The following DBNL variants were observed in gnomAD, a reference collection of about 807,000 sequenced individuals.
The protein encoded by DBNL is drebrin like, also known as drebrin-like protein.
A neutral mutation model predicts 62.2 loss-of-function variants in DBNL; 35 were observed. That is an observed-to-expected ratio of 0.56 (90% confidence interval 0.43 to 0.75). The LOEUF is 0.75. Ranked by LOEUF, DBNL falls within the 30% of genes least tolerant of loss-of-function variation. The pLI, the probability that DBNL is intolerant of heterozygous loss-of-function variation, is 0.00. For synonymous variants in DBNL, 197 were observed against 218.0 expected (o/e 0.90, Z 0.85); for missense variants, 495 against 578.4 (o/e 0.86, Z 1.48).
In DBNL at chr7:44,062,711, G is replaced by T; in HGVS notation, c.*1795G>T. 1.3e-6 allele frequency: 2 copies of T among 1,593,044 alleles called. No individual in the cohort carries two copies. The highest frequency in any genetic ancestry group is 2.2e-5 in the South Asian group (2 of 89,928). ...CGGTGTGAGCCTGGCATGCACGGCT[G>T]CGCTGGACTCCAGGCTGTTGGGGGA... On this transcript the variant is annotated 3_prime_UTR_variant, in exon 13 of 13. Coordinates refer to ENST00000448521, the MANE Select transcript of DBNL (RefSeq NM_001014436.3).
Position 44,064,554 on chromosome 7 carries a change from G to C in DBNL, c.*3638G>C, listed in dbSNP as rs576441422. ...GCCCAGCCCTTCCGTTTCCTAGCTGGGTGTCCCTTGGCAGATGCCACCTTT... is the reference window on the plus strand; with the variant it reads ...GCCCAGCCCTTCCGTTTCCTAGCTGCGTGTCCCTTGGCAGATGCCACCTTT... On this transcript the variant is annotated 3_prime_UTR_variant, in exon 13 of 13. Transcript: ENST00000448521. 1 of 503,364 alleles carries C rather than the reference G, an allele frequency of 2.0e-6. No homozygotes were observed. Among genetic ancestry groups the C allele is most frequent in the East Asian group, 3.7e-5 (1 of 26,828 alleles). 31.2% of individuals were successfully genotyped at this position (503,364 alleles called of 1,614,324 possible). A position where few individuals can be genotyped will look rare whatever the true frequency, so the allele number is the denominator to read the frequency against.
chr7:44,052,796 T>C, intron 3 of DBNL, 71 bp from the exon 4 acceptor site: 2 of 1,571,784 alleles, frequency 1.3e-6, no homozygotes, highest in Non-Finnish European at 1.7e-6. Flanking sequence ...ACAGGGTAGA[T>C]GTTGGGTCCC....
chr7:44,056,729 C>T (rs1562654468), intron 4 of DBNL, 28 bp from the exon 5 acceptor site: 6 of 1,613,432 alleles, frequency 3.7e-6, no homozygotes, highest in Non-Finnish European at 4.2e-6. Flanking sequence ...TTGCAAAGCC[C>T]TTCTTTCAAG....
Position 44,059,695 on chromosome 7 carries a change from C to A in DBNL, c.1047+37C>A. On this transcript the variant is annotated intron_variant, in intron 11 of 12. Transcript: ENST00000448521. This position sits in a 1 kb window ranked among gnomAD's most constrained non-coding sequence, Gnocchi z 4.1. ...CACTGGGGCTGGGGCCAGGAAGGGG[C>A]TGCATACTCAGGAACACTTATCACG... 6.5e-7 allele frequency: 1 copy of A among 1,548,018 alleles called. No homozygotes were observed.
In DBNL at chr7:44,064,797, A is replaced by ACCCCGCCCACGCGCCTGAAAGGGGG; in HGVS notation, c.*3884_*3885insCGCCCACGCGCCTGAAAGGGGGCCC. 1 of 633,308 alleles carries ACCCCGCCCACGCGCCTGAAAGGGGG rather than the reference A, an allele frequency of 1.6e-6. No individual in the cohort carries two copies. Among genetic ancestry groups the ACCCCGCCCACGCGCCTGAAAGGGGG allele is most frequent in the Non-Finnish European group, 2.8e-6 (1 of 361,386 alleles). The allele number at this position is 633,308 out of a possible 1,614,324, so 39.2% of individuals were successfully genotyped here. On this transcript the variant is annotated 3_prime_UTR_variant, in exon 13 of 13. Transcript: ENST00000448521. The stretch of plus-strand genomic sequence containing the variant: ...GAGAAGCCAGCTGGGGCTGCTGCCC[A>ACCCCGCCCACGCGCCTGAAAGGGGG]CCCACCCTGCCCAGGCTCCTGAAGG...
In DBNL at chr7:44,061,608, C is replaced by G. The variant is rs2096149352; in HGVS notation, c.*692C>G. On this transcript the variant is annotated 3_prime_UTR_variant, in exon 13 of 13. Transcript: ENST00000448521. The stretch of plus-strand genomic sequence containing the variant: ...GCCCCAGTGTGTGCCTCAACTGATT[C>G]TGACTTCAGGAAAAGTAACACAGAG... 6.5e-6 allele frequency: 1 copy of G among 152,772 alleles called. No individual in the cohort carries two copies. Among genetic ancestry groups the G allele is most frequent in the South Asian group, 2.1e-4 (1 of 4,834 alleles). 9.5% of individuals were successfully genotyped at this position (152,772 alleles called of 1,614,324 possible).
rs1262385877 is a variant in DBNL, at chr7:44,064,696, C to T, written c.*3780C>T. 1 of 797,084 alleles carries T rather than the reference C, an allele frequency of 1.3e-6. No individual in the cohort carries two copies. The highest frequency in any genetic ancestry group is 2.3e-5 in the Admixed American group (1 of 43,624). The allele number at this position is 797,084 out of a possible 1,614,324, so 49.4% of individuals were successfully genotyped here. Reference sequence around the variant, plus strand: ...ACAAAACTAAAAAATGGCTTCTCAGCCCTCCTTTTTCAGTGAATGATGTGG... The same window carrying T: ...ACAAAACTAAAAAATGGCTTCTCAGTCCTCCTTTTTCAGTGAATGATGTGG... On this transcript the variant is annotated 3_prime_UTR_variant, in exon 13 of 13. Transcript: ENST00000448521.
chr7:44,055,987 C>A (rs754185076), intron 4 of DBNL, among the ~76,000 whole-genome samples: 1 of 152,076 alleles, frequency 6.6e-6, no homozygotes, highest in African/African-American at 2.4e-5. Flanking sequence ...AAATCTTTGC[C>A]CAGATCAATG....
Position 44,059,659 on chromosome 7 carries a change from G to A in DBNL, c.1047+1G>A. Reference sequence around the variant, plus strand: ...GACCTTCTACGAGCAGCCCCCACTGGTGGGTTCCTACACTGGGGCTGGGGC... The same window carrying A: ...GACCTTCTACGAGCAGCCCCCACTGATGGGTTCCTACACTGGGGCTGGGGC... On this transcript the variant is annotated splice_donor_variant, in intron 11 of 12. Coordinates refer to ENST00000448521, the MANE Select transcript of DBNL (RefSeq NM_001014436.3). LOFTEE classifies it high-confidence loss of function. The surrounding 1 kb of genome is among the most constrained non-coding windows in gnomAD (Gnocchi z 4.1). 6.3e-7 allele frequency: 1 copy of A among 1,598,828 alleles called. No individual in the cohort carries two copies. The highest frequency in any genetic ancestry group is 2.2e-5 in the East Asian group (1 of 44,730).
At position 44,063,030 on chromosome 7, in the gene DBNL, G is replaced by C; in HGVS notation, c.*2114G>C. 1 of 1,287,542 alleles carries C rather than the reference G, an allele frequency of 7.8e-7. No individual in the cohort carries two copies. The highest frequency in any genetic ancestry group is 1.1e-6 in the Non-Finnish European group (1 of 887,336). The allele number at this position is 1,287,542 out of a possible 1,614,324, so 79.8% of individuals were successfully genotyped here. ...TATGGTCCACAGAGCCAGTTCCCCT[G>C]GCACCAATTCCTTCCCAGCCCTGAG... On this transcript the variant is annotated 3_prime_UTR_variant, in exon 13 of 13. Coordinates refer to ENST00000448521, the MANE Select transcript of DBNL (RefSeq NM_001014436.3).
chr7:44,056,665 A>G, intron 4 of DBNL, 92 bp from the exon 5 acceptor site: 1 of 1,515,940 alleles, frequency 6.6e-7, no homozygotes, highest in Non-Finnish European at 8.9e-7. Context: ...CCTGTGTGGT[A>G]TAGTAGTGGC....
chr7:44,050,452 T>G (rs1052601866), intron 2 of DBNL, 172 bp downstream of exon 2: 3 of 588,464 alleles, frequency 5.1e-6, no homozygotes, highest in African/African-American at 1.9e-5. Flanking sequence ...ACATTCCTCC[T>G]TGGTTCTCCT....
chr7:44,064,400 A>G lies in DBNL; in HGVS notation c.*3484A>G. 1 of 274,670 alleles carries G rather than the reference A, an allele frequency of 3.6e-6. No homozygotes were observed. Among genetic ancestry groups the G allele is most frequent in the Non-Finnish European group, 7.1e-6 (1 of 140,304 alleles). 17.0% of individuals were successfully genotyped at this position (274,670 alleles called of 1,614,324 possible). A position where few individuals can be genotyped will look rare whatever the true frequency, so the allele number is the denominator to read the frequency against. On this transcript the variant is annotated 3_prime_UTR_variant, in exon 13 of 13. Transcript: ENST00000448521. The stretch of plus-strand genomic sequence containing the variant: ...GGGGGAGGGCCCTGCGAGGGGTCCA[A>G]GCCTACATCAAGAGGAATTCAGTAC...
At chr7:44,052,417 C>T (rs1054791565) in intron 3 of DBNL, among the ~76,000 whole-genome samples, 2 of 151,968 alleles carry the variant, frequency 1.3e-5, no homozygotes, top group African/African-American at 4.8e-5. Context: ...TGAGACCAGC[C>T]TGGGCAACAT....
Position 44,064,723 on chromosome 7 carries a change from G to T in DBNL, c.*3807G>T. 1 of 953,506 alleles carries T rather than the reference G, an allele frequency of 1.0e-6. No homozygotes were observed. The highest frequency in any genetic ancestry group is 1.6e-6 in the Non-Finnish European group (1 of 619,824). The allele number at this position is 953,506 out of a possible 1,614,324, so 59.1% of individuals were successfully genotyped here. A position where few individuals can be genotyped will look rare whatever the true frequency, so the allele number is the denominator to read the frequency against. On this transcript the variant is annotated 3_prime_UTR_variant, in exon 13 of 13. Transcript: ENST00000448521. ...CTCCTTTTTCAGTGAATGATGTGGAGCCCCACGCCTAGAAAGCCTGGTCCA... is the reference window on the plus strand; with the variant it reads ...CTCCTTTTTCAGTGAATGATGTGGATCCCCACGCCTAGAAAGCCTGGTCCA...
At position 44,055,186 on chromosome 7, in the gene DBNL, C is replaced by G. The variant is rs528493101; in HGVS notation, c.328-1571C>G. Among the ~76,000 whole-genome samples the G allele has an allele frequency of 1.3e-5, 2 of 152,344 alleles. 1 individual carries two copies. The highest frequency in any genetic ancestry group is 3.9e-4 in the East Asian group (2 of 5,192). ...ACTGTTTTAAAAACCATACTGTTGT[C>G]TAGGCGCGATGGCTCACGCCTGTAA... On this transcript the variant is annotated intron_variant, in intron 4 of 12. Transcript: ENST00000448521.
chr7:44,064,805 T>G lies in DBNL; in HGVS notation c.*3889T>G. The G allele has an allele frequency of 1.5e-5, 10 of 669,818 alleles. No homozygotes were observed. Among genetic ancestry groups the G allele is most frequent in the Non-Finnish European group, 2.3e-5 (9 of 386,222 alleles). The allele number at this position is 669,818 out of a possible 1,614,324, so 41.5% of individuals were successfully genotyped here. ...AGCTGGGGCTGCTGCCCACCCACCC[T>G]GCCCAGGCTCCTGAAGGTGGCCTCA... On this transcript the variant is annotated 3_prime_UTR_variant, in exon 13 of 13. Coordinates refer to ENST00000448521, the MANE Select transcript of DBNL (RefSeq NM_001014436.3).
Position 44,064,274 on chromosome 7 carries a change from T to C in DBNL, c.*3358T>C, listed in dbSNP as rs1277229913. On this transcript the variant is annotated 3_prime_UTR_variant, in exon 13 of 13. Transcript: ENST00000448521. ...GCAAGCCCAGAGTCTGGCCACTCCATAGTCCTGCACCCCTCTTTTGATTGG... is the reference window on the plus strand; with the variant it reads ...GCAAGCCCAGAGTCTGGCCACTCCACAGTCCTGCACCCCTCTTTTGATTGG... 1 of 164,752 alleles carries C rather than the reference T, an allele frequency of 6.1e-6. No homozygotes were observed. The highest frequency in any genetic ancestry group is 2.4e-5 in the African/African-American group (1 of 41,558). The allele number at this position is 164,752 out of a possible 1,614,324, so 10.2% of individuals were successfully genotyped here. A position where few individuals can be genotyped will look rare whatever the true frequency, so the allele number is the denominator to read the frequency against.
chr7:44,063,377 T>G lies in DBNL; in HGVS notation c.*2461T>G, dbSNP rs1363778431. 5 of 230,716 alleles carry G rather than the reference T, an allele frequency of 2.2e-5. No homozygotes were observed. In the East Asian group the frequency reaches 5.4e-4, roughly 25 times the overall value. The allele number at this position is 230,716 out of a possible 1,614,324, so 14.3% of individuals were successfully genotyped here. On this transcript the variant is annotated 3_prime_UTR_variant, in exon 13 of 13. Coordinates refer to ENST00000448521, the MANE Select transcript of DBNL (RefSeq NM_001014436.3). ...TTGGCTCACTGCAACCTCCATCTCCTGGGTTGAAGTGATTCTGCCTCAGCC... is the reference window on the plus strand; with the variant it reads ...TTGGCTCACTGCAACCTCCATCTCCGGGGTTGAAGTGATTCTGCCTCAGCC...
Sources: gnomAD v4.1 joint callset for allele counts (sites outside exome capture counted in the v4.1 genomes callset) on GRCh38, gnomAD v4.1.1 for gene constraint, Gnocchi (gnomAD v3.1) non-coding constraint, MANE v1.5 for transcripts, NCBI Gene and HGNC (gene_info 2026-07-23, HGNC 2026-07-21) for gene names.